Variants in ERBB4 observed in about 807,000 individuals in gnomAD.
ERBB4 encodes receptor tyrosine-protein kinase erbB-4.
In ERBB4, 42 loss-of-function variants were observed where a neutral mutation model predicts 158.0. That is an observed-to-expected ratio of 0.27 (90% CI 0.21 to 0.34). ERBB4 has a LOEUF of 0.34. Ranked by LOEUF, ERBB4 falls within the 10% of genes least tolerant of loss-of-function variation. The pLI is 1.00. For missense variants in ERBB4, 1,333 were observed against 1,624.1 expected, an observed-to-expected ratio of 0.82 and a Z score of 3.08; for synonymous variants, 583 against 558.7, an observed-to-expected ratio of 1.04 and a Z score of -0.61.
chr2:211,430,775 T>TATATCAC (rs1574476519), intron 21 of ERBB4, among the ~76,000 whole-genome samples, 170 bp downstream of exon 21: 2 of 151,658 alleles, frequency 1.3e-5, no homozygotes, highest in East Asian at 3.9e-4. Context: ...ATGATATATA[T>TATATCAC]ATACACACAC....
chr2:212,137,117 G>A (rs1194328940), intron 1 of ERBB4, among the ~76,000 whole-genome samples: 1 of 152,012 alleles, frequency 6.6e-6, no homozygotes, highest in Non-Finnish European at 1.5e-5. Flanking sequence ...GATGAGTAGT[G>A]GGTTGTTATT....
chr2:211,641,772 AT>A (rs1403783080), intron 16 of ERBB4, among the ~76,000 whole-genome samples: 2 of 151,988 alleles, frequency 1.3e-5, no homozygotes, highest in African/African-American at 4.8e-5. Context: ...AATTCATTCC[AT>A]TTTGCTATCG....
chr2:211,858,249 G>C (rs987538322), intron 3 of ERBB4, among the ~76,000 whole-genome samples: 9 of 152,272 alleles, frequency 5.9e-5, no homozygotes, highest in African/African-American at 2.2e-4. Context: ...AAGATGACTT[G>C]GCTGATGCAC....
intron 20 of ERBB4, among the ~76,000 whole-genome samples, chr2:211,537,127 T>A (rs72941304): frequency 0.31 from 46,643 of 151,796 alleles, 7,334 homozygotes; most frequent in Middle Eastern, 0.35. Flanking sequence ...ATTAAAATTT[T>A]AAAAAATCAA....
At chr2:211,860,974 TTAA>T (rs1559584716) in intron 3 of ERBB4, among the ~76,000 whole-genome samples, 4 of 97,848 alleles carry the variant, frequency 4.1e-5, no homozygotes, top group African/African-American at 1.6e-4. Flanking sequence ...ATAAATATAT[TTAA>T]ATATATTATA....
At chr2:211,815,117 C>T (rs570721718) in intron 3 of ERBB4, among the ~76,000 whole-genome samples, 2 of 152,226 alleles carry the variant, frequency 1.3e-5, no homozygotes, top group East Asian at 3.9e-4. Flanking sequence ...TAAGAACAGT[C>T]TTCACAAAGG....
At position 212,286,583 on chromosome 2, in the gene ERBB4, A is replaced by AT. The variant is rs367666549; in HGVS notation, c.83-161681dup. 3.3e-3 allele frequency among the ~76,000 whole-genome samples: 363 copies of AT among 110,682 alleles called. 4 individuals carry two copies. Among genetic ancestry groups the AT allele is most frequent in the African/African-American group, 0.01 (350 of 33,822 alleles). The allele number at this position is 110,682 out of a possible 152,430, so 72.6% of individuals were successfully genotyped here. ...TGTTCAGATTAAATGAGATGATTACATAAGTGCTGACTTTTTTTTTTTTTT... is the reference window on the plus strand; with the variant it reads ...TGTTCAGATTAAATGAGATGATTACATTAAGTGCTGACTTTTTTTTTTTTTT... On this transcript the variant is annotated intron_variant, in intron 1 of 27. Coordinates refer to ENST00000342788, the MANE Select transcript of ERBB4 (RefSeq NM_005235.3).
chr2:212,247,049 T>G (rs945393962), intron 1 of ERBB4, among the ~76,000 whole-genome samples: 1 of 152,176 alleles, frequency 6.6e-6, no homozygotes, highest in Non-Finnish European at 1.5e-5. Flanking sequence ...AACCAAATAC[T>G]TAAATAATTT....
At chr2:212,318,177 G>A (rs190302711) in intron 1 of ERBB4, among the ~76,000 whole-genome samples, 4 of 151,658 alleles carry the variant, frequency 2.6e-5, no homozygotes, top group Admixed American at 6.6e-5. Flanking sequence ...GCCGGTAAGA[G>A]GGAAAGGCAG....
At chr2:211,756,136 G>A (rs372126105) in intron 4 of ERBB4, among the ~76,000 whole-genome samples, 3 of 152,216 alleles carry the variant, frequency 2.0e-5, no homozygotes, top group Admixed American at 2.0e-4. Flanking sequence ...ATAAAAAGAC[G>A]AATGTCACTA....
intron 2 of ERBB4, among the ~76,000 whole-genome samples, chr2:212,075,315 G>A (rs1559448837): frequency 6.6e-6 from 1 of 151,766 alleles, no homozygotes; most frequent in Non-Finnish European, 1.5e-5. Context: ...TGAAATAATT[G>A]TCTTGGGACA....
chr2:212,139,696 A>T (rs772031763), intron 1 of ERBB4, among the ~76,000 whole-genome samples: 1 of 152,012 alleles, frequency 6.6e-6, no homozygotes, highest in African/African-American at 2.4e-5. Flanking sequence ...TAAGCTTCAT[A>T]TGTGCAAAAC....
chr2:211,816,685 TAAATA>T, intron 3 of ERBB4, among the ~76,000 whole-genome samples: 1 of 152,248 alleles, frequency 6.6e-6, no homozygotes, highest in African/African-American at 2.4e-5. Flanking sequence ...CAACTAATTT[TAAATA>T]AAATAGTTAT....
chr2:212,286,694 T>C (rs2085989488), intron 1 of ERBB4, among the ~76,000 whole-genome samples: 1 of 141,848 alleles, frequency 7.0e-6, no homozygotes, highest in African/African-American at 2.6e-5. Context: ...CTTGACCTCC[T>C]GAGTTCACAC....
At chr2:212,003,262 AGAG>A (rs2076181326) in intron 2 of ERBB4, among the ~76,000 whole-genome samples, 1 of 149,900 alleles carries the variant, frequency 6.7e-6, no homozygotes, top group African/African-American at 2.4e-5. Flanking sequence ...GGAAGGAAAG[AGAG>A]AGAAAGACAA....
chr2:212,193,983 C>T (rs901364369), intron 1 of ERBB4, among the ~76,000 whole-genome samples: 2 of 151,900 alleles, frequency 1.3e-5, no homozygotes, highest in Non-Finnish European at 2.9e-5. Flanking sequence ...ATGTAATGCA[C>T]ATTTCAATAA....
At chr2:211,907,752 T>C (rs1052034540) in intron 3 of ERBB4, among the ~76,000 whole-genome samples, 2 of 151,706 alleles carry the variant, frequency 1.3e-5, no homozygotes, top group African/African-American at 4.8e-5. Context: ...AGGTAGTAAG[T>C]TTTGTCTTTC....
At chr2:211,480,064 A>T (rs1482911244) in intron 20 of ERBB4, among the ~76,000 whole-genome samples, 1 of 152,178 alleles carries the variant, frequency 6.6e-6, no homozygotes, top group Non-Finnish European at 1.5e-5. Context: ...CTTAAACAAA[A>T]ATCTGATCTA....
intron 13 of ERBB4, among the ~76,000 whole-genome samples, chr2:211,676,194 G>A (rs181234252): frequency 1.0e-3 from 153 of 152,258 alleles, no homozygotes; most frequent in Middle Eastern, 3.4e-3. Context: ...CCACAAGATG[G>A]AAGGTGGGCA....
Sources: allele counts gnomAD v4.1 joint callset (sites outside exome capture counted in the v4.1 genomes callset), GRCh38; gene constraint gnomAD v4.1.1; transcripts MANE v1.5; gene names NCBI Gene and HGNC (gene_info 2026-07-23, HGNC 2026-07-21).